CCDC148: variants seen among roughly 807,000 people sequenced by gnomAD.
The protein encoded by CCDC148 is coiled-coil domain-containing protein 148.
A neutral mutation model predicts 85.7 loss-of-function variants in CCDC148; 89 were observed. The ratio of observed to expected loss-of-function variants is 1.04; its 90% CI spans 0.87 to 1.24. CCDC148 has a LOEUF of 1.24. CCDC148 is among the 50% of genes most tolerant of loss of function. The pLI is 0.00. For missense variants in CCDC148, 692 were observed against 671.7 expected (o/e 1.03, Z -0.33); for synonymous variants, 230 against 213.9 (o/e 1.08, Z -0.66).
rs146475258 is a variant in CCDC148 at position 158,391,052 on chromosome 2, A to C, written c.26-32482T>G. On this transcript the variant is annotated intron_variant, in intron 1 of 13. Coordinates refer to ENST00000283233, the MANE Select transcript of CCDC148 (RefSeq NM_138803.4). ...GAACATACACATACTTCATTCATTC[A>C]TTTGACAAAATATTTGTTGTATTCT... Among the ~76,000 whole-genome samples, 357 of 152,246 alleles carry C rather than the reference A, an allele frequency of 2.3e-3. 1 individual carries two copies. Among genetic ancestry groups the C allele is most frequent in the African/African-American group, 8.0e-3 (333 of 41,552 alleles).
At chr2:158,343,581 C>A (rs957120697) in intron 3 of CCDC148, among the ~76,000 whole-genome samples, 1 of 152,270 alleles carries the variant, frequency 6.6e-6, no homozygotes, top group East Asian at 1.9e-4. Context: ...AAGCCCTTAT[C>A]CTCCGCCTGC....
At chr2:158,240,388 T>C (rs540792135) in intron 10 of CCDC148, among the ~76,000 whole-genome samples, 7 of 151,300 alleles carry the variant, frequency 4.6e-5, no homozygotes, top group African/African-American at 1.7e-4. Context: ...ATATTTACAG[T>C]TTAAGTCATG....
chr2:158,343,740 T>C (rs1682856615), intron 3 of CCDC148, among the ~76,000 whole-genome samples: 1 of 152,212 alleles, frequency 6.6e-6, no homozygotes, highest in African/African-American at 2.4e-5. Context: ...AAGGTAGTCA[T>C]TTCTCTAACT....
intron 2 of CCDC148, among the ~76,000 whole-genome samples, chr2:158,352,413 G>T (rs1201582459): frequency 6.6e-6 from 1 of 152,174 alleles, no homozygotes; most frequent in Non-Finnish European, 1.5e-5. Context: ...CAAGGCTCGA[G>T]AACTACGTGA....
intron 1 of CCDC148, among the ~76,000 whole-genome samples, chr2:158,392,329 C>T (rs1685347764): frequency 6.6e-6 from 1 of 152,086 alleles, no homozygotes; most frequent in African/African-American, 2.4e-5. Context: ...TGGTCTGTAA[C>T]TTTTTTATTA....
At chr2:158,353,707 C>G (rs1331661440) in intron 2 of CCDC148, among the ~76,000 whole-genome samples, 3 of 152,174 alleles carry the variant, frequency 2.0e-5, no homozygotes, top group African/African-American at 7.2e-5. Context: ...GAATTGAACT[C>G]AGCTCTGCAC....
At chr2:158,345,059 G>A (rs533593699) in intron 3 of CCDC148, among the ~76,000 whole-genome samples, 156 bp downstream of exon 3, 2 of 152,144 alleles carry the variant, frequency 1.3e-5, no homozygotes, top group Admixed American at 6.5e-5. Context: ...ATTAAGATGA[G>A]GAAATGAAAG....
chr2:158,341,731 A>T lies in CCDC148; in HGVS notation c.252-1051T>A, dbSNP rs747946427. Among the ~76,000 whole-genome samples, 12 of 152,140 alleles carry T rather than the reference A, an allele frequency of 7.9e-5. No individual in the cohort carries two copies. In the South Asian group the frequency reaches 2.5e-3, roughly 32 times the overall value. ...TATGGCAGATTCGATTAAATCATAT[A>T]AAAGAGTTTTATGATTATTACAGTA... On this transcript the variant is annotated intron_variant, in intron 3 of 13. Transcript: ENST00000283233.
intron 1 of CCDC148, among the ~76,000 whole-genome samples, chr2:158,360,202 T>C (rs952778844): frequency 2.6e-5 from 4 of 152,194 alleles, no homozygotes; most frequent in African/African-American, 9.7e-5. Flanking sequence ...AAAACTCCCA[T>C]CACCCTGGGA....
intron 10 of CCDC148, among the ~76,000 whole-genome samples, chr2:158,228,279 A>C (rs1687661934): frequency 6.6e-6 from 1 of 152,236 alleles, no homozygotes; most frequent in South Asian, 2.1e-4. Context: ...CACCAGTTAG[A>C]ATTGCAATCA....
chr2:158,441,087 T>C (rs1186369860), intron 1 of CCDC148, among the ~76,000 whole-genome samples: 2 of 152,030 alleles, frequency 1.3e-5, no homozygotes, highest in African/African-American at 4.8e-5. Context: ...AAAAGTACCA[T>C]ACTTGACAAT....
chr2:158,339,039 C>T lies in CCDC148; in HGVS notation c.533G>A (p.Arg178Lys). 1 of 1,613,932 alleles carries T rather than the reference C, an allele frequency of 6.2e-7. No individual in the cohort carries two copies. Among genetic ancestry groups the T allele is most frequent in the South Asian group, 1.1e-5 (1 of 91,066 alleles). Reference protein sequence around the residue: ...KQLKTVFERLRLEQQRIENDL... With the variant: ...KQLKTVFERLKLEQQRIENDL... ...ATTTTCTATTCTCTGTTGCTCCAGCCTAAGTCTTTCAAAGACAGTTTTCAA... is the reference window on the plus strand; with the variant it reads ...ATTTTCTATTCTCTGTTGCTCCAGCTTAAGTCTTTCAAAGACAGTTTTCAA... The change falls in exon 6 of 14, where the codon AGG becomes AAG. Residue 178 changes from arginine to lysine, a missense_variant. Arg to Lys is a conservative substitution (Grantham distance 26, BLOSUM62 2). Transcript: ENST00000283233.
rs556358277 is a variant in CCDC148, at chr2:158,456,651, C to T, written c.-212G>A. The T allele has an allele frequency of 1.4e-5, 9 of 624,148 alleles. No individual in the cohort carries two copies. The highest frequency in any genetic ancestry group is 2.5e-5 in the Non-Finnish European group (9 of 362,176). The allele number at this position is 624,148 out of a possible 1,614,324, so 38.7% of individuals were successfully genotyped here. On this transcript the variant is annotated 5_prime_UTR_variant, in exon 1 of 14. Transcript: ENST00000283233. ...TCAGAGCCAGCGCTGGGGAATCTCCCTGTCCTCTCCGCCACCCCCTCCCGC... is the reference window on the plus strand; with the variant it reads ...TCAGAGCCAGCGCTGGGGAATCTCCTTGTCCTCTCCGCCACCCCCTCCCGC...
At position 158,456,724 on chromosome 2, in the gene CCDC148, C is replaced by T. The variant is rs1257793668; in HGVS notation, c.-285G>A. 2 of 485,120 alleles carry T rather than the reference C, an allele frequency of 4.1e-6. No homozygotes were observed. Among genetic ancestry groups the T allele is most frequent in the East Asian group, 3.7e-5 (1 of 26,728 alleles). 30.1% of individuals were successfully genotyped at this position (485,120 alleles called of 1,614,324 possible). The stretch of plus-strand genomic sequence containing the variant: ...TCTCTCACACCCACCCTCTCCAGGC[C>T]CTCTCGCGCTGAACAGCATCGGTCT... On this transcript the variant is annotated 5_prime_UTR_variant, in exon 1 of 14. Coordinates refer to ENST00000283233, the MANE Select transcript of CCDC148 (RefSeq NM_138803.4).
At position 158,281,375 on chromosome 2, in the gene CCDC148, C is replaced by T. The variant is rs891184908; in HGVS notation, c.1110+28058G>A. On this transcript the variant is annotated intron_variant, in intron 9 of 13. Transcript: ENST00000283233. ...GAAAGGATCAACAAAATTGATAGAC[C>T]GCTGGCAGACTAATAAAGTAGAAAA... Among the ~76,000 whole-genome samples, 26 of 151,972 alleles carry T rather than the reference C, an allele frequency of 1.7e-4. No homozygotes were observed. The South Asian group carries it at 2.3e-3, about 13-fold the overall frequency.
chr2:158,207,620 A>T (rs1025693929), intron 11 of CCDC148: 1 of 152,236 alleles, frequency 6.6e-6, no homozygotes, highest in Non-Finnish European at 1.5e-5. Flanking sequence ...AAAAGAAGGT[A>T]CAGTGTTGGT....
chr2:158,438,800 C>T (rs1466643433), intron 1 of CCDC148, among the ~76,000 whole-genome samples: 1 of 152,140 alleles, frequency 6.6e-6, no homozygotes. Context: ...ACAACCCCAT[C>T]AAAAAGTGGG....
At chr2:158,421,446 G>A in intron 1 of CCDC148, among the ~76,000 whole-genome samples, 1 of 152,126 alleles carries the variant, frequency 6.6e-6, no homozygotes, top group African/African-American at 2.4e-5. Flanking sequence ...ACTCAAAACT[G>A]CTCAACTATT....
chr2:158,342,713 C>T (rs926851824), intron 3 of CCDC148, among the ~76,000 whole-genome samples: 9 of 152,084 alleles, frequency 5.9e-5, no homozygotes, highest in African/African-American at 4.8e-5. Flanking sequence ...CTCAAAAATG[C>T]CCTTCACCAG....
Sources: gnomAD v4.1 joint callset for allele counts (sites outside exome capture counted in the v4.1 genomes callset) on GRCh38, gnomAD v4.1.1 for gene constraint, MANE v1.5 for transcripts, NCBI Gene and HGNC (gene_info 2026-07-23, HGNC 2026-07-21) for gene names.